Variants in EIF2AK1 observed in about 807,000 individuals in gnomAD.
EIF2AK1 encodes the protein eukaryotic translation initiation factor 2-alpha kinase 1.
A neutral mutation model predicts 77.9 loss-of-function variants in EIF2AK1; 54 were observed. The observed-to-expected ratio is 0.69, with a 90% CI of 0.56 to 0.87. The LOEUF (loss-of-function observed/expected upper bound fraction) is 0.87, where lower values mean the gene tolerates loss of function less well. EIF2AK1 is among the 40% of genes least tolerant of loss of function. The pLI, the probability that EIF2AK1 is intolerant of heterozygous loss-of-function variation, is 0.00. For missense variants in EIF2AK1, 810 were observed against 768.6 expected, an observed-to-expected ratio of 1.05 and a Z score of -0.64; for synonymous variants, 314 against 290.5, an observed-to-expected ratio of 1.08 and a Z score of -0.82.
At chr7:6,031,398 G>A in intron 11 of EIF2AK1, 1 of 1,550,716 alleles carries the variant, frequency 6.4e-7, no homozygotes, top group East Asian at 2.4e-5. Flanking sequence ...ACCAGGAAAG[G>A]AAGCAGAGAC....
At chr7:6,054,809 C>G in intron 1 of EIF2AK1, 105 bp from the exon 2 acceptor site, 1 of 1,187,098 alleles carries the variant, frequency 8.4e-7, no homozygotes, top group East Asian at 2.5e-5. Flanking sequence ...TAAATGTAAG[C>G]AGATAAAAAC....
Position 6,044,569 on chromosome 7 carries a change from C to T in EIF2AK1, c.723G>A (p.Gln241=), listed in dbSNP as rs757236544. 29 of 1,612,862 alleles carry T rather than the reference C, an allele frequency of 1.8e-5. No homozygotes were observed. The highest frequency in any genetic ancestry group is 1.6e-4 in the Middle Eastern group (1 of 6,080). ...CCATCAAAAACGGCTTACCTCGTGG[C>T]TGAATCACATGAACATGTTCTATCC... is the stretch of plus-strand genomic sequence containing the variant. ...TAWIEHVHVI[Q]PRADRAAIEL... is the part of the protein sequence containing the mutation. Residue 241 remains glutamine, a synonymous_variant, in exon 7 of 15, where the codon CAG becomes CAA. Coordinates refer to ENST00000199389, the MANE Select transcript of EIF2AK1 (RefSeq NM_014413.4).
chr7:6,049,589 TC>T (rs1235231918), intron 3 of EIF2AK1, among the ~76,000 whole-genome samples: 1 of 149,708 alleles, frequency 6.7e-6, no homozygotes, highest in Non-Finnish European at 1.5e-5. Context: ...TGTCTCAAGA[TC>T]CCAGTCCATC....
At position 6,050,056 on chromosome 7, in the gene EIF2AK1, A is replaced by G; in HGVS notation, c.278-11T>C. 1 of 1,590,014 alleles carries G rather than the reference A, an allele frequency of 6.3e-7. No homozygotes were observed. The highest frequency in any genetic ancestry group is 8.5e-7 in the Non-Finnish European group (1 of 1,171,968). ...ACGTCTGGCAAAGTACTATAAAAAG[A>G]ATATGAAAAACTATTATTAGAAACA... On this transcript the variant is annotated splice_polypyrimidine_tract_variant and intron_variant, in intron 2 of 14. Coordinates refer to ENST00000199389, the MANE Select transcript of EIF2AK1 (RefSeq NM_014413.4).
chr7:6,029,214 A>C (rs919527610), intron 11 of EIF2AK1, among the ~76,000 whole-genome samples, 182 bp from the exon 12 acceptor site: 6 of 152,206 alleles, frequency 3.9e-5, no homozygotes, highest in Non-Finnish European at 5.9e-5. Context: ...AAATCTCAAC[A>C]TCTGGCCGGG....
chr7:6,024,489 T>C lies in EIF2AK1; in HGVS notation c.*184A>G. The C allele has an allele frequency of 3.5e-6, 5 of 1,420,858 alleles. No individual in the cohort carries two copies. Among genetic ancestry groups the C allele is most frequent in the Non-Finnish European group, 4.6e-6 (5 of 1,094,538 alleles). 88.0% of individuals were successfully genotyped at this position (1,420,858 alleles called of 1,614,324 possible). On this transcript the variant is annotated 3_prime_UTR_variant, in exon 15 of 15. Transcript: ENST00000199389. ...ACTAGGCATATGGTTAATATTTAGG[T>C]AGGAAATTCAGGAAAAGGAGCTTGT...
In EIF2AK1 at chr7:6,046,093, G is replaced by GCA; in HGVS notation, c.606_607dup (p.Ala203ValfsTer8). ...TACCTTCATGCAAACTGTTTTAGTT[G>GCA]CACCCTTAATCAGGATTTTTTTTAT... is the stretch of plus-strand genomic sequence containing the variant. On this transcript the variant is annotated frameshift_variant, in exon 6 of 15. Coordinates refer to ENST00000199389, the MANE Select transcript of EIF2AK1 (RefSeq NM_014413.4). LOFTEE classifies it high-confidence loss of function. 6.4e-7 allele frequency: 1 copy of GCA among 1,563,116 alleles called. No homozygotes were observed. Among genetic ancestry groups the GCA allele is most frequent in the Non-Finnish European group, 8.7e-7 (1 of 1,154,734 alleles).
intron 1 of EIF2AK1, among the ~76,000 whole-genome samples, chr7:6,057,968 T>G (rs1040772895): frequency 6.6e-6 from 1 of 152,278 alleles, no homozygotes; most frequent in Middle Eastern, 3.4e-3. Flanking sequence ...TTAATATTGC[T>G]AAAACACCTG....
At chr7:6,040,005 T>C (rs1002965098) in intron 9 of EIF2AK1, among the ~76,000 whole-genome samples, 2 of 152,196 alleles carry the variant, frequency 1.3e-5, no homozygotes, top group Non-Finnish European at 2.9e-5. Flanking sequence ...TGTGTCTTTG[T>C]AGATGGTATA....
chr7:6,038,051 G>A (rs931510895), intron 10 of EIF2AK1, among the ~76,000 whole-genome samples: 1 of 152,112 alleles, frequency 6.6e-6, no homozygotes, highest in Admixed American at 6.6e-5. Context: ...CCCAAAAAAT[G>A]TAAGTAAATT....
chr7:6,041,141 T>C lies in EIF2AK1; in HGVS notation c.870A>G (p.Lys290=). 1 of 1,613,974 alleles carries C rather than the reference T, an allele frequency of 6.2e-7. No individual in the cohort carries two copies. Among genetic ancestry groups the C allele is most frequent in the Non-Finnish European group, 8.5e-7 (1 of 1,180,012 alleles). Reference sequence around the variant, plus strand: ...TTTCAGTGTCAGATTCTCCAAAGCGTTTTTCTTTTTCTGGGGTGGGCTCAG... The same window carrying C: ...TTTCAGTGTCAGATTCTCCAAAGCGCTTTTCTTTTTCTGGGGTGGGCTCAG... ...IFAEPTPEKE[K]RFGESDTENQ... The change falls in exon 9 of 15, where the codon AAA becomes AAG. Residue 290 remains lysine (K), a synonymous_variant. Transcript: ENST00000199389.
In EIF2AK1 at chr7:6,024,061, C is replaced by T. The variant is rs1310826148; in HGVS notation, c.*612G>A. 1 of 1,307,498 alleles carries T rather than the reference C, an allele frequency of 7.6e-7. No homozygotes were observed. The highest frequency in any genetic ancestry group is 1.0e-6 in the Non-Finnish European group (1 of 1,001,694). 81.0% of individuals were successfully genotyped at this position (1,307,498 alleles called of 1,614,324 possible). The stretch of plus-strand genomic sequence containing the variant: ...GAGATCTGAGCTGCCTGGAGATCAT[C>T]TGGGGTGCGGAGTACAAAGCTTTGC... On this transcript the variant is annotated 3_prime_UTR_variant, in exon 15 of 15. Coordinates refer to ENST00000199389, the MANE Select transcript of EIF2AK1 (RefSeq NM_014413.4).
chr7:6,051,129 C>T (rs1458341520), intron 2 of EIF2AK1, among the ~76,000 whole-genome samples: 1 of 152,166 alleles, frequency 6.6e-6, no homozygotes, highest in Non-Finnish European at 1.5e-5. Flanking sequence ...CACGAAATAC[C>T]TTTAACCAAC....
chr7:6,033,895 C>A lies in EIF2AK1; in HGVS notation c.1332+3529G>T, dbSNP rs546574266. On this transcript the variant is annotated intron_variant, in intron 11 of 14. Transcript: ENST00000199389. This position sits in a 1 kb window ranked among gnomAD's most constrained non-coding sequence, Gnocchi z 4.4. ...ACAATGGATTTTCTTGTTTATTACT[C>A]TCCACTAGAAGGTAAGCCGCATGAA... 2.0e-5 allele frequency among the ~76,000 whole-genome samples: 3 copies of A among 152,116 alleles called. No homozygotes were observed. In the East Asian group the frequency reaches 5.9e-4, roughly 30 times the overall value.
Position 6,041,094 on chromosome 7 carries a change from T to G in EIF2AK1, c.917A>C (p.Lys306Thr). Residue 306 changes from lysine to threonine, a missense_variant, in exon 9 of 15, where the codon AAG becomes ACG. This residue lies in a region of EIF2AK1 where 549 missense variants were observed against 533.7 expected (regional missense o/e 1.03). Coordinates refer to ENST00000199389, the MANE Select transcript of EIF2AK1 (RefSeq NM_014413.4). ...TCTTATGACTAAATTGGTGGTGTAC[T>G]TCACCGACTTGTTATTCTGATTTTC... ...DTENQNNKSV[K>T]YTTNLVIRES... 6.2e-7 allele frequency: 1 copy of G among 1,614,138 alleles called. No homozygotes were observed. Among genetic ancestry groups the G allele is most frequent in the Non-Finnish European group, 8.5e-7 (1 of 1,180,010 alleles).
chr7:6,042,783 T>C (rs933156788), intron 8 of EIF2AK1, 150 bp downstream of exon 8: 1 of 597,096 alleles, frequency 1.7e-6, no homozygotes, highest in Non-Finnish European at 3.0e-6. Flanking sequence ...GGAGAATCAC[T>C]GCAACACAGG....
Position 6,023,514 on chromosome 7 carries a change from T to C in EIF2AK1, c.*1159A>G. On this transcript the variant is annotated 3_prime_UTR_variant, in exon 15 of 15. Coordinates refer to ENST00000199389, the MANE Select transcript of EIF2AK1 (RefSeq NM_014413.4). ...CTGTTTTCCGCTCCATGAACTCTGC[T>C]CTTGGGAAGAGCCCTTGGCTCGCTG... 6.2e-7 allele frequency: 1 copy of C among 1,614,202 alleles called. No homozygotes were observed. The highest frequency in any genetic ancestry group is 8.5e-7 in the Non-Finnish European group (1 of 1,180,034).
intron 4 of EIF2AK1, 23 bp downstream of exon 4, chr7:6,048,784 T>A (rs183651706): frequency 6.4e-7 from 1 of 1,557,258 alleles, no homozygotes; most frequent in Non-Finnish European, 8.7e-7. Context: ...GTCTGCATAA[T>A]CAAGAAAGTT....
At chr7:6,037,555 C>A in intron 10 of EIF2AK1, 31 bp from the exon 11 acceptor site, 1 of 1,435,816 alleles carries the variant, frequency 7.0e-7, no homozygotes, top group East Asian at 2.3e-5. Context: ...TTTTATTTCT[C>A]TAATTTTTTT....
Sources: allele counts gnomAD v4.1 joint callset (sites outside exome capture counted in the v4.1 genomes callset), GRCh38; gene constraint gnomAD v4.1.1; regional missense constraint gnomAD v4.1.1; non-coding constraint Gnocchi (gnomAD v3.1); transcripts MANE v1.5; gene names NCBI Gene and HGNC (gene_info 2026-07-23, HGNC 2026-07-21).